WDR7: variants seen among roughly 807,000 people sequenced by gnomAD.
WDR7 encodes WD repeat domain 7.
In WDR7, 46 loss-of-function variants were observed where a neutral mutation model predicts 169.4. The ratio of observed to expected loss-of-function variants is 0.27; its 90% CI spans 0.21 to 0.35. WDR7 has a LOEUF of 0.35. Among genes scored for constraint, WDR7 ranks in the 10% least tolerant of loss-of-function variants. WDR7 has a pLI of 1.00. For missense variants in WDR7, 1,534 were observed against 1,859.3 expected, an observed-to-expected ratio of 0.83 and a Z score of 3.22; for synonymous variants, 612 against 666.8, an observed-to-expected ratio of 0.92 and a Z score of 1.27.
At chr18:56,892,941 C>T (rs143204644) in intron 21 of WDR7, among the ~76,000 whole-genome samples, 292 of 152,100 alleles carry the variant, frequency 1.9e-3, no homozygotes, top group African/African-American at 6.5e-3. Context: ...TGTTATACAA[C>T]ATACAATATT....
At chr18:56,892,828 G>A (rs371254566) in intron 21 of WDR7, among the ~76,000 whole-genome samples, 26 of 151,986 alleles carry the variant, frequency 1.7e-4, no homozygotes, top group Non-Finnish European at 2.4e-4. Flanking sequence ...TATAACATCC[G>A]TGGTAGTAAC....
At position 56,656,881 on chromosome 18, in the gene WDR7, A is replaced by C. The variant is rs146123453; in HGVS notation, c.-20+5305A>C. On this transcript the variant is annotated intron_variant, in intron 1 of 27. Coordinates refer to ENST00000254442, the MANE Select transcript of WDR7 (RefSeq NM_015285.3). ...ATCTGAGAACATGGAATGGTCTTTC[A>C]CTTATGACTTTGAGTAAAATATTGT... is the stretch of plus-strand genomic sequence containing the variant. Among the ~76,000 whole-genome samples the C allele has an allele frequency of 9.9e-5, 15 of 152,264 alleles. No individual in the cohort carries two copies. In the East Asian group the frequency reaches 2.9e-3, roughly 29 times the overall value.
intron 22 of WDR7, among the ~76,000 whole-genome samples, chr18:56,934,207 T>A (rs535377868): frequency 6.6e-6 from 1 of 152,290 alleles, no homozygotes; most frequent in South Asian, 2.1e-4. Flanking sequence ...AAATTTGGGT[T>A]TATAATCTGA....
At chr18:56,700,252 C>CTTTTTTTTTTTTTTTTTTTTT (rs1226348026) in intron 12 of WDR7, among the ~76,000 whole-genome samples, 4 of 67,240 alleles carry the variant, frequency 5.9e-5, no homozygotes, top group African/African-American at 1.8e-4. Context: ...TTTTCATTTT[C>CTTTTTTTTTTTTTTTTTTTTT]TTTTTTTTTT....
In WDR7 at chr18:56,889,016, G is replaced by T. The variant is rs574609127; in HGVS notation, c.3526+8851G>T. Among the ~76,000 whole-genome samples, 9 of 152,268 alleles carry T rather than the reference G, an allele frequency of 5.9e-5. No homozygotes were observed. The East Asian group carries it at 1.7e-3, about 29-fold the overall frequency. On this transcript the variant is annotated intron_variant, in intron 21 of 27. Coordinates refer to ENST00000254442, the MANE Select transcript of WDR7 (RefSeq NM_015285.3). ...CAGGGCTCAACTTTAATATCCCCTT[G>T]TCAGTCAGTCATTGGATTGGAAAAG...
At chr18:56,773,216 A>C (rs2044191187) in intron 16 of WDR7, among the ~76,000 whole-genome samples, 1 of 152,148 alleles carries the variant, frequency 6.6e-6, no homozygotes. Flanking sequence ...GCCCCTTATG[A>C]AGGCACTTTT....
At chr18:56,748,318 T>C (rs2043736214) in intron 14 of WDR7, among the ~76,000 whole-genome samples, 1 of 152,194 alleles carries the variant, frequency 6.6e-6, no homozygotes, top group Admixed American at 6.5e-5. Context: ...TCTTGTTACT[T>C]TGGTAACTTG....
At chr18:56,824,935 T>C (rs1160212496) in intron 20 of WDR7, among the ~76,000 whole-genome samples, 1 of 152,200 alleles carries the variant, frequency 6.6e-6, no homozygotes, top group Non-Finnish European at 1.5e-5. Flanking sequence ...GATGTGCTAT[T>C]GGAATTGCAC....
Position 56,853,800 on chromosome 18 carries a change from A to G in WDR7, c.3305-26144A>G, listed in dbSNP as rs115519830. Among the ~76,000 whole-genome samples, 445 of 152,358 alleles carry G rather than the reference A, an allele frequency of 2.9e-3. 4 individuals are homozygous for G. The highest frequency in any genetic ancestry group is 0.01 in the African/African-American group (419 of 41,588). On this transcript the variant is annotated intron_variant, in intron 20 of 27. Transcript: ENST00000254442. The stretch of plus-strand genomic sequence containing the variant: ...ATTTTAAGCTTAAAAAAGGTATTGC[A>G]GTATATATAATCCATTAGTACTTTC...
intron 22 of WDR7, 28 bp downstream of exon 22, chr18:56,924,136 T>C (rs1322273078): frequency 1.2e-6 from 2 of 1,604,258 alleles, no homozygotes; most frequent in African/African-American, 2.7e-5. Context: ...TTAATTTAAT[T>C]TGTCACTGTT....
intron 22 of WDR7, among the ~76,000 whole-genome samples, chr18:56,934,980 A>G (rs9959070): frequency 3.3e-5 from 5 of 152,208 alleles, no homozygotes; most frequent in African/African-American, 1.2e-4. Context: ...TGGATTATAT[A>G]TAATATAAAG....
chr18:56,808,472 T>C (rs1195760633), intron 19 of WDR7, among the ~76,000 whole-genome samples: 3 of 152,198 alleles, frequency 2.0e-5, no homozygotes, highest in East Asian at 1.9e-4. Context: ...TTTATAAATA[T>C]CTTTCTCCAT....
At chr18:56,929,754 T>C (rs1207142087) in intron 22 of WDR7, among the ~76,000 whole-genome samples, 1 of 152,244 alleles carries the variant, frequency 6.6e-6, no homozygotes, top group Non-Finnish European at 1.5e-5. Context: ...AAACTGAGAC[T>C]GCACTTCATT....
intron 20 of WDR7, among the ~76,000 whole-genome samples, chr18:56,821,892 G>T (rs752508855): frequency 2.0e-5 from 3 of 152,046 alleles, no homozygotes; most frequent in African/African-American, 4.8e-5. Flanking sequence ...CCAGCTACGT[G>T]GGAGGCTGAG....
At chr18:56,794,304 A>ATTTTTTTTTTTTTTTT (rs566857049) in intron 19 of WDR7, among the ~76,000 whole-genome samples, 1,796 of 49,432 alleles carry the variant, frequency 0.036, 666 homozygotes, top group Non-Finnish European at 0.051. Context: ...GGTAAAGTCT[A>ATTTTTTTTTTTTTTTT]TTTTTTTTTT....
At chr18:56,817,981 G>T (rs1239845549) in intron 20 of WDR7, among the ~76,000 whole-genome samples, 1 of 152,072 alleles carries the variant, frequency 6.6e-6, no homozygotes, top group African/African-American at 2.4e-5. Flanking sequence ...CTGACCTTGT[G>T]ATCCACCTGC....
At chr18:56,987,423 TGATATACA>T (rs1356752071) in intron 26 of WDR7, among the ~76,000 whole-genome samples, 1 of 151,944 alleles carries the variant, frequency 6.6e-6, no homozygotes, top group African/African-American at 2.4e-5. Flanking sequence ...CGGCCAGCCC[TGATATACA>T]GATAGGGCTG....
At chr18:56,824,715 G>C (rs574128594) in intron 20 of WDR7, among the ~76,000 whole-genome samples, 4 of 152,316 alleles carry the variant, frequency 2.6e-5, no homozygotes, top group Non-Finnish European at 5.9e-5. Context: ...TTATGAAAAT[G>C]AGACTGGGAA....
At chr18:56,994,363 T>C (rs1296153813) in intron 26 of WDR7, among the ~76,000 whole-genome samples, 1 of 134,766 alleles carries the variant, frequency 7.4e-6, no homozygotes, top group Admixed American at 7.0e-5. Context: ...TTGTATTCTG[T>C]GTGTGTTATG....
Sources: gnomAD v4.1 joint callset for allele counts (sites outside exome capture counted in the v4.1 genomes callset) on GRCh38, gnomAD v4.1.1 for gene constraint, MANE v1.5 for transcripts, NCBI Gene and HGNC (gene_info 2026-07-23, HGNC 2026-07-21) for gene names.